The following PDE7B variants were observed in gnomAD, a reference collection of about 807,000 sequenced individuals.
PDE7B encodes 3',5'-cyclic-AMP phosphodiesterase 7B.
In PDE7B, 29 loss-of-function variants were observed where a neutral mutation model predicts 56.2. The ratio of observed to expected loss-of-function variants is 0.52; its 90% CI spans 0.38 to 0.70. The LOEUF (loss-of-function observed/expected upper bound fraction) is 0.70. PDE7B is among the 30% of genes least tolerant of loss of function. The probability of loss-of-function intolerance (pLI) is 0.00; values close to 1 mark genes in which losing one functional copy is unlikely to be tolerated. For missense variants in PDE7B, 490 were observed against 565.0 expected (o/e 0.87, Z 1.35); for synonymous variants, 197 against 196.9 (o/e 1.00, Z 0.00).
chr6:136,194,232 T>G lies in PDE7B; in HGVS notation c.*2392T>G, dbSNP rs1344426368. The G allele has an allele frequency of 6.6e-6, 1 of 152,084 alleles. No individual in the cohort carries two copies. Among genetic ancestry groups the G allele is most frequent in the Admixed American group, 6.6e-5 (1 of 15,264 alleles). 9.4% of individuals were successfully genotyped at this position (152,084 alleles called of 1,614,324 possible). A position where few individuals can be genotyped will look rare whatever the true frequency, so the allele number is the denominator to read the frequency against. On this transcript the variant is annotated 3_prime_UTR_variant, in exon 13 of 13. Coordinates refer to ENST00000308191, the MANE Select transcript of PDE7B (RefSeq NM_018945.4). ...GGAAAGAAGACACTATTTTAGCTAA[T>G]GGGGTTTCTTGGGACTAAAAAATGG...
At chr6:135,960,034 T>A (rs1774869537) in intron 2 of PDE7B, among the ~76,000 whole-genome samples, 1 of 152,172 alleles carries the variant, frequency 6.6e-6, no homozygotes, top group African/African-American at 2.4e-5. Flanking sequence ...TTGACCTTCA[T>A]AACAGAGTCT....
chr6:136,038,626 T>C, intron 2 of PDE7B: 1 of 942,448 alleles, frequency 1.1e-6, no homozygotes, highest in South Asian at 1.7e-5. Flanking sequence ...AAATGAACTG[T>C]GTAGCATCAG....
intron 2 of PDE7B, among the ~76,000 whole-genome samples, chr6:136,107,485 A>T (rs372487735): frequency 3.0e-4 from 46 of 152,364 alleles, no homozygotes; most frequent in African/African-American, 1.1e-3. Flanking sequence ...ACCAGACAGC[A>T]TTCAAAGTGC....
At chr6:136,106,331 G>A (rs1342766492) in intron 2 of PDE7B, among the ~76,000 whole-genome samples, 2 of 152,166 alleles carry the variant, frequency 1.3e-5, no homozygotes, top group Admixed American at 6.5e-5. Flanking sequence ...ACTTTTATGT[G>A]AGGATCTAAG....
chr6:136,097,812 C>A (rs1413243962), intron 2 of PDE7B, among the ~76,000 whole-genome samples: 2 of 152,046 alleles, frequency 1.3e-5, no homozygotes, highest in African/African-American at 4.8e-5. Context: ...CTTGCTATGT[C>A]ACACTTGGCT....
At position 135,934,501 on chromosome 6, in the gene PDE7B, C is replaced by T. The variant is rs537518334; in HGVS notation, c.22-12963C>T. Among the ~76,000 whole-genome samples the T allele has an allele frequency of 4.0e-5, 6 of 151,306 alleles. No individual in the cohort carries two copies. In the South Asian group the frequency reaches 1.0e-3, roughly 26 times the overall value. ...CAGCACTTTGGGAGGCCAAGGCAGG[C>T]GGATCACCTGAGGTCAGGAGTTCGA... On this transcript the variant is annotated intron_variant, in intron 1 of 12. Transcript: ENST00000308191.
intron 1 of PDE7B, among the ~76,000 whole-genome samples, chr6:135,868,395 C>T (rs1320641254): frequency 6.6e-6 from 1 of 151,982 alleles, no homozygotes; most frequent in Non-Finnish European, 1.5e-5. Flanking sequence ...TGTGTTTTAT[C>T]AGGATGATGG....
intron 2 of PDE7B, among the ~76,000 whole-genome samples, chr6:136,017,053 C>T (rs1008773781): frequency 1.3e-5 from 2 of 152,116 alleles, no homozygotes; most frequent in Non-Finnish European, 2.9e-5. Flanking sequence ...CTTTGAAAGC[C>T]GTAGTAGCCT....
chr6:135,937,110 C>G (rs1269874914), intron 1 of PDE7B, among the ~76,000 whole-genome samples: 1 of 152,156 alleles, frequency 6.6e-6, no homozygotes, highest in Non-Finnish European at 1.5e-5. Flanking sequence ...AGGTGGTACC[C>G]CACTTAGCAG....
At chr6:136,108,125 C>CAAAAAAAAAAAAAA (rs60727586) in intron 2 of PDE7B, among the ~76,000 whole-genome samples, 1 of 108,674 alleles carries the variant, frequency 9.2e-6, no homozygotes, top group Non-Finnish European at 1.8e-5. Flanking sequence ...GACTCCATGT[C>CAAAAAAAAAAAAAA]AAAAAAAAAA....
intron 2 of PDE7B, among the ~76,000 whole-genome samples, chr6:136,087,343 C>T (rs1777310152): frequency 6.6e-6 from 1 of 151,828 alleles, no homozygotes; most frequent in Non-Finnish European, 1.5e-5. Context: ...CCTCAAAATA[C>T]CTGCACAATG....
chr6:136,180,744 A>T (rs1289133977), intron 10 of PDE7B, among the ~76,000 whole-genome samples: 1 of 152,248 alleles, frequency 6.6e-6, no homozygotes, highest in African/African-American at 2.4e-5. Flanking sequence ...CCTGGGTTTG[A>T]TACGACTTCA....
At chr6:136,019,980 G>A (rs1776043195) in intron 2 of PDE7B, among the ~76,000 whole-genome samples, 2 of 152,208 alleles carry the variant, frequency 1.3e-5, no homozygotes, top group South Asian at 4.2e-4. Flanking sequence ...CTTATAAGTG[G>A]ACCTATGCAG....
At chr6:135,890,034 T>C (rs1308854446) in intron 1 of PDE7B, among the ~76,000 whole-genome samples, 3 of 152,178 alleles carry the variant, frequency 2.0e-5, no homozygotes, top group African/African-American at 4.8e-5. Flanking sequence ...ATTACAGGCA[T>C]GAGCCACCAC....
intron 1 of PDE7B, among the ~76,000 whole-genome samples, chr6:135,934,862 TAAAA>T (rs1193513436): frequency 9.3e-6 from 1 of 107,472 alleles, no homozygotes; most frequent in African/African-American, 4.1e-5. Context: ...TAAATATATA[TAAAA>T]ATATATATAA....
chr6:136,050,862 T>G lies in PDE7B; in HGVS notation c.83-57869T>G, dbSNP rs185631936. Among the ~76,000 whole-genome samples the G allele has an allele frequency of 4.3e-3, 659 of 152,326 alleles. 3 individuals are homozygous for G. Among genetic ancestry groups the G allele is most frequent in the Non-Finnish European group, 6.5e-3 (444 of 68,024 alleles). ...CCCGAAGGAACAGTGTAATCTTTGA[T>G]GACCATTTTTCCTCCTTTATCCTCT... On this transcript the variant is annotated intron_variant, in intron 2 of 12. Coordinates refer to ENST00000308191, the MANE Select transcript of PDE7B (RefSeq NM_018945.4).
intron 3 of PDE7B, among the ~76,000 whole-genome samples, chr6:136,146,670 TGA>T (rs1470647510): frequency 6.6e-6 from 1 of 152,214 alleles, no homozygotes; most frequent in Non-Finnish European, 1.5e-5. Flanking sequence ...CAGTGTGGGA[TGA>T]GAACTTGGCC....
intron 1 of PDE7B, among the ~76,000 whole-genome samples, chr6:135,907,870 T>C (rs796835995): frequency 6.6e-6 from 1 of 151,988 alleles, no homozygotes. Flanking sequence ...ATTCCTCCTA[T>C]AGGGAGGAAA....
intron 1 of PDE7B, among the ~76,000 whole-genome samples, chr6:135,921,478 A>C (rs1444849536): frequency 6.6e-6 from 1 of 152,128 alleles, no homozygotes; most frequent in African/African-American, 2.4e-5. Flanking sequence ...AGTGCATGGA[A>C]ATTCCCTGCT....
Sources: gnomAD v4.1 joint callset for allele counts (sites outside exome capture counted in the v4.1 genomes callset) on GRCh38, gnomAD v4.1.1 for gene constraint, MANE v1.5 for transcripts, NCBI Gene and HGNC (gene_info 2026-07-23, HGNC 2026-07-21) for gene names.